Variants in CERK observed in about 807,000 individuals in gnomAD.
The protein encoded by CERK is acylsphingosine kinase.
A neutral mutation model predicts 63.4 loss-of-function variants in CERK; 39 were observed. The ratio of observed to expected loss-of-function variants is 0.61; its 90% confidence interval spans 0.48 to 0.80. The LOEUF (loss-of-function observed/expected upper bound fraction) is 0.80. Ranked by LOEUF, CERK falls within the 30% of genes least tolerant of loss-of-function variation. The pLI is 0.00. For synonymous variants in CERK, 302 were observed against 280.0 expected (o/e 1.08, Z -0.78); for missense variants, 670 against 714.1 (o/e 0.94, Z 0.70).
In CERK at chr22:46,695,218, G is replaced by A; in HGVS notation, c.1041C>T (p.Cys347=). The A allele has an allele frequency of 6.4e-7, 1 of 1,564,082 alleles. No homozygotes were observed. Among genetic ancestry groups the A allele is most frequent in the Non-Finnish European group, 8.8e-7 (1 of 1,137,044 alleles). The stretch of plus-strand genomic sequence containing the variant: ...CAAAGCAATGCACTTACCCTGCCCG[G>A]CAGGGCTTCCTATCCCTTGGAGATC... ...TVGSPRDRKP[C]RAGCFVCRQS... The change falls in exon 9 of 13, where the codon TGC becomes TGT. Residue 347 remains cysteine (C), a synonymous_variant. Coordinates refer to ENST00000216264, the MANE Select transcript of CERK (RefSeq NM_022766.6).
chr22:46,701,588 G>T, intron 7 of CERK, 48 bp downstream of exon 7: 2 of 1,492,452 alleles, frequency 1.3e-6, no homozygotes, highest in Non-Finnish European at 1.8e-6. Flanking sequence ...GCCTGGGGGC[G>T]CAGGAGGCCC....
At chr22:46,711,195 G>T in intron 4 of CERK, 46 bp from the exon 5 acceptor site, 1 of 1,418,138 alleles carries the variant, frequency 7.1e-7, no homozygotes, top group Non-Finnish European at 1.0e-6. Context: ...ACATCTGTGA[G>T]TCCTCACGTA....
Position 46,712,150 on chromosome 22 carries a change from T to A in CERK, c.505+18A>T, listed in dbSNP as rs775881357. The A allele has an allele frequency of 3.1e-6, 5 of 1,613,722 alleles. No individual in the cohort carries two copies. The highest frequency in any genetic ancestry group is 4.2e-6 in the Non-Finnish European group (5 of 1,179,808). On this transcript the variant is annotated intron_variant, in intron 4 of 12. Transcript: ENST00000216264. Reference sequence around the variant, plus strand: ...ATTCTCAAACTTACTTCTACATAGTTAACATAGAATTTGTTACCGATGATG... The same window carrying A: ...ATTCTCAAACTTACTTCTACATAGTAAACATAGAATTTGTTACCGATGATG...
At chr22:46,722,556 CTTTTT>C (rs556829995) in intron 1 of CERK, among the ~76,000 whole-genome samples, 56 of 125,552 alleles carry the variant, frequency 4.5e-4, no homozygotes, top group African/African-American at 1.4e-3. Context: ...GGCCTCCCAT[CTTTTT>C]TTTTTTTTTT....
rs1489474232 is a variant in CERK, at chr22:46,736,594, TCTC to T, written c.142+1410_142+1412del. 4.6e-5 allele frequency among the ~76,000 whole-genome samples: 7 copies of T among 152,286 alleles called. No homozygotes were observed. The South Asian group carries it at 1.2e-3, about 27-fold the overall frequency. ...CTTCGGGCCCAGGTCAGGCACCTGTTCTCCTTGTGTGTGGGCCCTGGTGGGTGA... is the reference window on the plus strand; with the variant it reads ...CTTCGGGCCCAGGTCAGGCACCTGTTCTTGTGTGTGGGCCCTGGTGGGTGA... On this transcript the variant is annotated intron_variant, in intron 1 of 12. Transcript: ENST00000216264.
intron 1 of CERK, among the ~76,000 whole-genome samples, chr22:46,728,981 C>T (rs570659974): frequency 5.3e-5 from 8 of 152,346 alleles, no homozygotes; most frequent in South Asian, 2.1e-4. Context: ...GCCAGGGCCT[C>T]GGAGGCTGGA....
chr22:46,731,543 G>A (rs1384122897), intron 1 of CERK, among the ~76,000 whole-genome samples: 2 of 152,242 alleles, frequency 1.3e-5, no homozygotes, highest in Admixed American at 6.5e-5. Context: ...AGGTGTAAAC[G>A]CTGCCCAGTC....
intron 3 of CERK, among the ~76,000 whole-genome samples, chr22:46,718,368 G>A (rs1021298091): frequency 1.1e-4 from 16 of 152,238 alleles, no homozygotes; most frequent in African/African-American, 3.1e-4. Context: ...AAAGCAGGAC[G>A]GACGGAAAGG....
chr22:46,693,303 G>T (rs969172814), intron 10 of CERK, 124 bp downstream of exon 10: 12 of 756,230 alleles, frequency 1.6e-5, no homozygotes, highest in Admixed American at 4.3e-5. Flanking sequence ...TGGATGCCTG[G>T]TGCCAGACAG....
intron 6 of CERK, among the ~76,000 whole-genome samples, chr22:46,704,510 G>A (rs1213915264): frequency 6.6e-6 from 1 of 152,134 alleles, no homozygotes. Flanking sequence ...GGCAAATAAC[G>A]TATAAACAAT....
chr22:46,702,657 C>T (rs893225343), intron 6 of CERK, among the ~76,000 whole-genome samples: 1 of 152,222 alleles, frequency 6.6e-6, no homozygotes, highest in African/African-American at 2.4e-5. Flanking sequence ...ATCTTAATAC[C>T]AGGACAGCCA....
At chr22:46,691,390 T>G (rs2082730709) in intron 11 of CERK, among the ~76,000 whole-genome samples, 182 bp downstream of exon 11, 2 of 152,168 alleles carry the variant, frequency 1.3e-5, no homozygotes, top group Admixed American at 6.5e-5. Context: ...TTTATCGTTT[T>G]AAATGATATT....
In CERK at chr22:46,684,505, A is replaced by C. The variant is rs1392725837; in HGVS notation, c.*2629T>G. The stretch of plus-strand genomic sequence containing the variant: ...AACCAGCAAGATTAGAAAGAGAATG[A>C]GGCCATCCTTTCACTCAGACTTTCC... On this transcript the variant is annotated 3_prime_UTR_variant, in exon 13 of 13. Coordinates refer to ENST00000216264, the MANE Select transcript of CERK (RefSeq NM_022766.6). 1 of 152,230 alleles carries C rather than the reference A, an allele frequency of 6.6e-6. No individual in the cohort carries two copies. The highest frequency in any genetic ancestry group is 2.4e-5 in the African/African-American group (1 of 41,462). 9.4% of individuals were successfully genotyped at this position (152,230 alleles called of 1,614,324 possible). A position where few individuals can be genotyped will look rare whatever the true frequency, so the allele number is the denominator to read the frequency against.
intron 1 of CERK, among the ~76,000 whole-genome samples, chr22:46,733,024 C>G (rs2082953305): frequency 6.6e-6 from 1 of 151,696 alleles, no homozygotes; most frequent in African/African-American, 2.4e-5. Flanking sequence ...CTGGCTAACA[C>G]AGTGAAACCC....
chr22:46,701,200 T>C (rs989493749), intron 7 of CERK, among the ~76,000 whole-genome samples: 2 of 152,204 alleles, frequency 1.3e-5, no homozygotes, highest in Admixed American at 6.5e-5. Context: ...CTCTGCATCC[T>C]GGACTGAAGC....
rs2082985878 is a variant in CERK, at chr22:46,738,193, C to T, written c.-45G>A. 3.6e-5 allele frequency: 39 copies of T among 1,095,184 alleles called. No homozygotes were observed. Among genetic ancestry groups the T allele is most frequent in the Non-Finnish European group, 4.3e-5 (39 of 901,836 alleles). The allele number at this position is 1,095,184 out of a possible 1,614,324, so 67.8% of individuals were successfully genotyped here. A position where few individuals can be genotyped will look rare whatever the true frequency, so the allele number is the denominator to read the frequency against. On this transcript the variant is annotated 5_prime_UTR_variant, in exon 1 of 13. Coordinates refer to ENST00000216264, the MANE Select transcript of CERK (RefSeq NM_022766.6). ...CGCCAGGCTGGGGGCGCGCGGACGC[C>T]GAGGGGCGCCGGACCGTTAGCGGCC...
At chr22:46,737,844 T>A (rs1016011119) in intron 1 of CERK, among the ~76,000 whole-genome samples, 163 bp downstream of exon 1, 6 of 151,574 alleles carry the variant, frequency 4.0e-5, no homozygotes, top group Non-Finnish European at 7.4e-5. Flanking sequence ...GGCCCCGGCC[T>A]CCCTCCCGCC....
Position 46,687,069 on chromosome 22 carries a change from G to GTAATAT in CERK, c.*64_*65insATATTA. 8.0e-7 allele frequency: 1 copy of GTAATAT among 1,254,510 alleles called. No individual in the cohort carries two copies. Among genetic ancestry groups the GTAATAT allele is most frequent in the South Asian group, 1.2e-5 (1 of 82,586 alleles). The allele number at this position is 1,254,510 out of a possible 1,614,324, so 77.7% of individuals were successfully genotyped here. A position where few individuals can be genotyped will look rare whatever the true frequency, so the allele number is the denominator to read the frequency against. ...TTTAAATGTATATATCAACATAATT[G>GTAATAT]GTCTGTAATAATTATCTTAAATAGT... On this transcript the variant is annotated 3_prime_UTR_variant, in exon 13 of 13. Coordinates refer to ENST00000216264, the MANE Select transcript of CERK (RefSeq NM_022766.6).
Position 46,733,665 on chromosome 22 carries a change from T to C in CERK, c.142+4342A>G, listed in dbSNP as rs2082957397. Among the ~76,000 whole-genome samples the C allele has an allele frequency of 2.6e-5, 4 of 152,132 alleles. No homozygotes were observed. In the South Asian group the frequency reaches 8.3e-4, roughly 32 times the overall value. On this transcript the variant is annotated intron_variant, in intron 1 of 12. Coordinates refer to ENST00000216264, the MANE Select transcript of CERK (RefSeq NM_022766.6). ...AAATTATTTCGTCAAATAATCTAGC[T>C]TTTTCTTTATTCTTTCTGGATTCCA...
Sources: allele counts gnomAD v4.1 joint callset (sites outside exome capture counted in the v4.1 genomes callset), GRCh38; gene constraint gnomAD v4.1.1; transcripts MANE v1.5; gene names NCBI Gene and HGNC (gene_info 2026-07-23, HGNC 2026-07-21).